GPC6: variants seen among roughly 807,000 people sequenced by gnomAD.
GPC6 encodes glypican 6.
A neutral mutation model predicts 55.2 loss-of-function variants in GPC6; 14 were observed. That is an observed-to-expected ratio of 0.25 (90% CI 0.17 to 0.40). The LOEUF is 0.40. Ranked by LOEUF, GPC6 falls within the 10% of genes least tolerant of loss-of-function variation. The probability of loss-of-function intolerance (pLI) is 1.00; values close to 1 mark genes in which losing one functional copy is unlikely to be tolerated. For synonymous variants in GPC6, 278 were observed against 259.6 expected, an observed-to-expected ratio of 1.07 and a Z score of -0.68; for missense variants, 641 against 708.5, an observed-to-expected ratio of 0.90 and a Z score of 1.08.
chr13:94,103,849 T>G (rs1885955191), intron 4 of GPC6, among the ~76,000 whole-genome samples: 1 of 152,186 alleles, frequency 6.6e-6, no homozygotes, highest in Non-Finnish European at 1.5e-5. Context: ...TTCACTCCAA[T>G]GGTAGTTTCT....
At chr13:93,944,011 G>A (rs990641810) in intron 3 of GPC6, among the ~76,000 whole-genome samples, 1 of 152,068 alleles carries the variant, frequency 6.6e-6, no homozygotes, top group South Asian at 2.1e-4. Flanking sequence ...TCCCCTATCT[G>A]GGGGGTTCTC....
chr13:93,940,401 AATGGATGGATGAATGGATGGATGG>A (rs1326297288), intron 3 of GPC6, among the ~76,000 whole-genome samples: 1 of 148,230 alleles, frequency 6.7e-6, no homozygotes, highest in Admixed American at 6.8e-5. Flanking sequence ...CGGTTGGATG[AATGGATGGATGAATGGATGGATGG>A]ATGGATGGAT....
intron 1 of GPC6, among the ~76,000 whole-genome samples, chr13:93,271,499 G>A (rs779002078): frequency 3.3e-5 from 5 of 151,838 alleles, no homozygotes; most frequent in African/African-American, 4.8e-5. Context: ...AAATGCAGGC[G>A]TGACATGTAT....
At chr13:93,581,559 G>T (rs1478240269) in intron 2 of GPC6, among the ~76,000 whole-genome samples, 3 of 152,056 alleles carry the variant, frequency 2.0e-5, no homozygotes, top group Non-Finnish European at 4.4e-5. Context: ...ATACAAAAAT[G>T]AGCTATGCAT....
intron 4 of GPC6, among the ~76,000 whole-genome samples, chr13:94,235,986 G>A (rs1485119542): frequency 1.3e-5 from 2 of 152,136 alleles, no homozygotes; most frequent in Non-Finnish European, 2.9e-5. Context: ...CTAAAGAAGG[G>A]ATTAATTTCT....
chr13:93,826,118 C>T (rs759816430), intron 2 of GPC6, among the ~76,000 whole-genome samples: 6 of 151,928 alleles, frequency 3.9e-5, no homozygotes, highest in Admixed American at 1.3e-4. Flanking sequence ...CCTCGGCCTC[C>T]CAAAGTGCTG....
intron 4 of GPC6, among the ~76,000 whole-genome samples, chr13:94,123,808 A>G (rs1031424960): frequency 1.3e-5 from 2 of 152,088 alleles, no homozygotes; most frequent in East Asian, 3.9e-4. Context: ...TCAGCTTTGC[A>G]GTCATGAAAA....
At chr13:94,113,507 T>C (rs887968680) in intron 4 of GPC6, among the ~76,000 whole-genome samples, 2 of 152,142 alleles carry the variant, frequency 1.3e-5, no homozygotes, top group Non-Finnish European at 2.9e-5. Flanking sequence ...CCTTGTACAA[T>C]ATGCAGCATT....
intron 3 of GPC6, among the ~76,000 whole-genome samples, chr13:94,020,607 G>A (rs567138370): frequency 2.6e-4 from 39 of 152,152 alleles, no homozygotes; most frequent in Admixed American, 4.6e-4. Context: ...TCTTACAGGC[G>A]TCTGTTACAT....
rs1881423965 is a variant in GPC6 at position 94,407,758 on chromosome 13, C to G, written c.*4541C>G. ...AAAGACTAATAATTTCCCAATTTAG[C>G]CAATTGCATTGATTTTTATACTTCT... On this transcript the variant is annotated 3_prime_UTR_variant, in exon 9 of 9. Coordinates refer to ENST00000377047, the MANE Select transcript of GPC6 (RefSeq NM_005708.5). Among the ~76,000 whole-genome samples, 1 of 152,104 alleles carries G rather than the reference C, an allele frequency of 6.6e-6. No homozygotes were observed. Among genetic ancestry groups the G allele is most frequent in the South Asian group, 2.1e-4 (1 of 4,822 alleles).
intron 1 of GPC6, among the ~76,000 whole-genome samples, chr13:93,281,659 C>CA (rs1477692743): frequency 5.9e-5 from 9 of 151,710 alleles, no homozygotes; most frequent in South Asian, 2.1e-4. Flanking sequence ...GCCAAAGATA[C>CA]AAAAAAAATT....
At position 93,629,036 on chromosome 13, in the gene GPC6, GA is replaced by G. The variant is rs5805815; in HGVS notation, c.319+83627del. ...AGATGTAAAACTGTACTTCTAGCCA[GA>G]AAAAAAAAAAACAAAAAAAACTGAC... On this transcript the variant is annotated intron_variant, in intron 2 of 8. Transcript: ENST00000377047. 3.5e-3 allele frequency among the ~76,000 whole-genome samples: 483 copies of G among 137,466 alleles called. 8 individuals are homozygous for G. The highest frequency in any genetic ancestry group is 0.012 in the African/African-American group (438 of 36,974). 90.2% of individuals were successfully genotyped at this position (137,466 alleles called of 152,430 possible). A position where few individuals can be genotyped will look rare whatever the true frequency, so the allele number is the denominator to read the frequency against.
At chr13:93,634,387 C>T (rs1468134772) in intron 2 of GPC6, among the ~76,000 whole-genome samples, 3 of 152,090 alleles carry the variant, frequency 2.0e-5, no homozygotes, top group Non-Finnish European at 4.4e-5. Flanking sequence ...TTAGAAATGG[C>T]CAAGGGTCCC....
intron 1 of GPC6, among the ~76,000 whole-genome samples, chr13:93,461,432 T>G (rs1344632218): frequency 6.6e-6 from 1 of 152,184 alleles, no homozygotes; most frequent in Non-Finnish European, 1.5e-5. Flanking sequence ...AGTAAAGTAT[T>G]ATTCTTTTAA....
intron 2 of GPC6, among the ~76,000 whole-genome samples, chr13:93,782,540 A>G (rs1885686039): frequency 6.6e-6 from 1 of 152,144 alleles, no homozygotes; most frequent in Admixed American, 6.5e-5. Flanking sequence ...ATTAGTTTAC[A>G]TTCCCACCCA....
chr13:93,633,056 T>C (rs1879528050), intron 2 of GPC6, among the ~76,000 whole-genome samples: 1 of 152,210 alleles, frequency 6.6e-6, no homozygotes, highest in Non-Finnish European at 1.5e-5. Context: ...TTATTTTCCT[T>C]TTCCAATTTA....
intron 4 of GPC6, among the ~76,000 whole-genome samples, chr13:94,039,066 G>A (rs1434432193): frequency 6.6e-6 from 1 of 151,912 alleles, no homozygotes; most frequent in South Asian, 2.1e-4. Flanking sequence ...ACCAGGGGGG[G>A]AAAAACAGTG....
chr13:93,738,963 ACACACACACT>A (rs374877420), intron 2 of GPC6, among the ~76,000 whole-genome samples: 1 of 150,600 alleles, frequency 6.6e-6, no homozygotes. Context: ...ACACACACAC[ACACACACACT>A]CACACACATG....
intron 1 of GPC6, among the ~76,000 whole-genome samples, chr13:93,525,956 C>T (rs1204166627): frequency 6.6e-6 from 1 of 152,050 alleles, no homozygotes; most frequent in Admixed American, 6.6e-5. Context: ...GGAGAATGCA[C>T]AACATTGTAG....
Sources: gnomAD v4.1 joint callset for allele counts (sites outside exome capture counted in the v4.1 genomes callset) on GRCh38, gnomAD v4.1.1 for gene constraint, MANE v1.5 for transcripts, NCBI Gene and HGNC (gene_info 2026-07-23, HGNC 2026-07-21) for gene names.